The following C13orf42 variants were observed in gnomAD, a reference collection of about 807,000 sequenced individuals.
The protein encoded by C13orf42 is chromosome 13 open reading frame 42.
At chr13:51,164,121 C>T (rs1263301638) in intron 1 of C13orf42, among the ~76,000 whole-genome samples, 3 of 152,190 alleles carry the variant, frequency 2.0e-5, no homozygotes, top group East Asian at 1.9e-4. Context: ...AGGCAGCGTA[C>T]GGCTAGCGCT....
chr13:51,160,670 C>G (rs1182884305), intron 1 of C13orf42, among the ~76,000 whole-genome samples: 1 of 151,804 alleles, frequency 6.6e-6, no homozygotes, highest in African/African-American at 2.4e-5. Flanking sequence ...CTCAGTGGTA[C>G]GAGAAGAGCA....
In C13orf42 at chr13:51,097,433, A is replaced by G. The variant is rs370672145; in HGVS notation, c.415-9358T>C. Among the ~76,000 whole-genome samples the G allele has an allele frequency of 1.9e-4, 29 of 152,288 alleles. No homozygotes were observed. The East Asian group carries it at 4.2e-3, about 22-fold the overall frequency. On this transcript the variant is annotated intron_variant, in intron 1 of 3. Coordinates refer to ENST00000563710, the MANE Select transcript of C13orf42 (RefSeq NM_001351589.3). ...TTTTAAAGGTCACCAAATGGATTCT[A>G]TGATGATTTTCTAAGTACCAAGTCT...
chr13:51,152,640 C>G (rs1953788390), intron 1 of C13orf42, among the ~76,000 whole-genome samples: 1 of 152,200 alleles, frequency 6.6e-6, no homozygotes, highest in Non-Finnish European at 1.5e-5. Flanking sequence ...ACAACTTCAG[C>G]TCTAGCATTC....
intron 1 of C13orf42, among the ~76,000 whole-genome samples, chr13:51,164,148 G>A (rs191004360): frequency 2.6e-5 from 4 of 152,292 alleles, no homozygotes; most frequent in African/African-American, 4.8e-5. Context: ...AATGGATTAC[G>A]TTCCAAAACT....
At chr13:51,143,318 C>A (rs975979984) in intron 1 of C13orf42, among the ~76,000 whole-genome samples, 2 of 152,212 alleles carry the variant, frequency 1.3e-5, no homozygotes, top group African/African-American at 2.4e-5. Flanking sequence ...ATTGTAAGGG[C>A]CCATTTTGAA....
At chr13:51,084,469 G>A (rs969667294) in intron 3 of C13orf42, 144 bp from the exon 4 acceptor site, 17 of 396,170 alleles carry the variant, frequency 4.3e-5, no homozygotes, top group East Asian at 1.1e-4. Flanking sequence ...AAATGGTGTC[G>A]CCATGGGGGC....
chr13:51,083,136 GAAAAT>G lies in C13orf42; in HGVS notation c.*1010_*1014del, dbSNP rs1487285704. On this transcript the variant is annotated 3_prime_UTR_variant, in exon 4 of 4. Coordinates refer to ENST00000563710, the MANE Select transcript of C13orf42 (RefSeq NM_001351589.3). ...TATACATGCACAGACTGGTTTACAA[GAAAAT>G]GCCAAAAAAAGAAGTGAGAATAGAT... is the stretch of plus-strand genomic sequence containing the variant. 6.6e-6 allele frequency: 1 copy of G among 151,980 alleles called. No homozygotes were observed. Among genetic ancestry groups the G allele is most frequent in the Non-Finnish European group, 1.5e-5 (1 of 67,974 alleles). 9.4% of individuals were successfully genotyped at this position (151,980 alleles called of 1,614,324 possible).
At chr13:51,164,818 C>A (rs1263138333) in intron 1 of C13orf42, among the ~76,000 whole-genome samples, 1 of 152,138 alleles carries the variant, frequency 6.6e-6, no homozygotes, top group East Asian at 1.9e-4. Flanking sequence ...TTAGCCAGAG[C>A]AATTGAAAGA....
chr13:51,113,480 C>T (rs532399916), upstream of C13orf42, among the ~76,000 whole-genome samples: 31 of 152,270 alleles, frequency 2.0e-4, no homozygotes, highest in African/African-American at 7.2e-4. Flanking sequence ...TAGTGACTGC[C>T]TTTAACGTAT....
intron 1 of C13orf42, among the ~76,000 whole-genome samples, chr13:51,153,278 G>GC (rs1481807118): frequency 6.6e-6 from 1 of 151,856 alleles, no homozygotes; most frequent in Non-Finnish European, 1.5e-5. Flanking sequence ...AGCAACCACT[G>GC]CCCCCTTTTC....
At chr13:51,164,854 G>C (rs1953892389) in intron 1 of C13orf42, among the ~76,000 whole-genome samples, 1 of 152,110 alleles carries the variant, frequency 6.6e-6, no homozygotes, top group South Asian at 2.1e-4. Context: ...ACTGAGATCA[G>C]GAAAGATGTG....
intron 1 of C13orf42, among the ~76,000 whole-genome samples, chr13:51,121,526 G>C (rs1953535337): frequency 6.9e-6 from 1 of 144,512 alleles, no homozygotes; most frequent in Non-Finnish European, 1.5e-5. Context: ...ACTCTAGCCT[G>C]AAAAAAATTT....
chr13:51,093,581 TAAG>T (rs1953201973), intron 1 of C13orf42, among the ~76,000 whole-genome samples: 1 of 152,240 alleles, frequency 6.6e-6, no homozygotes, highest in Admixed American at 6.5e-5. Flanking sequence ...TTTTAAATAA[TAAG>T]GTTAGTGGTG....
chr13:51,148,049 G>A (rs1043733298), intron 1 of C13orf42, among the ~76,000 whole-genome samples: 1 of 152,166 alleles, frequency 6.6e-6, no homozygotes, highest in African/African-American at 2.4e-5. Context: ...CCAACACATG[G>A]AACCAAGCAA....
intron 1 of C13orf42, among the ~76,000 whole-genome samples, chr13:51,125,325 T>A (rs538743053): frequency 6.6e-6 from 1 of 152,364 alleles, no homozygotes; most frequent in South Asian, 2.1e-4. Context: ...GCAAAGCATG[T>A]TATTTTCTTC....
intron 1 of C13orf42, among the ~76,000 whole-genome samples, chr13:51,157,160 G>T (rs1953830358): frequency 6.6e-6 from 1 of 152,200 alleles, no homozygotes; most frequent in Non-Finnish European, 1.5e-5. Context: ...CTGGCCAGGA[G>T]CGGTGGCTGC....
intron 1 of C13orf42, among the ~76,000 whole-genome samples, chr13:51,128,909 T>C (rs1002382801): frequency 2.0e-5 from 3 of 152,140 alleles, no homozygotes; most frequent in African/African-American, 7.2e-5. Flanking sequence ...GGGTAAATAC[T>C]AGGGACAATA....
At chr13:51,129,327 G>A (rs1287345476) in intron 1 of C13orf42, among the ~76,000 whole-genome samples, 1 of 152,150 alleles carries the variant, frequency 6.6e-6, no homozygotes, top group Non-Finnish European at 1.5e-5. Flanking sequence ...TCAAGTATGA[G>A]GAGCAATACC....
At chr13:51,125,590 C>A (rs1184590522) in intron 1 of C13orf42, among the ~76,000 whole-genome samples, 4 of 152,166 alleles carry the variant, frequency 2.6e-5, no homozygotes, top group Non-Finnish European at 4.4e-5. Context: ...TAAAAAAATT[C>A]AAGACTCAGC....
Sources: gnomAD v4.1 joint callset for allele counts (sites outside exome capture counted in the v4.1 genomes callset) on GRCh38, gnomAD v4.1.1 for gene constraint, MANE v1.5 for transcripts, NCBI Gene and HGNC (gene_info 2026-07-23, HGNC 2026-07-21) for gene names.